The following ZNF469 variants were observed in gnomAD, a reference collection of about 807,000 sequenced individuals.
ZNF469 encodes zinc finger protein 469.
Under a neutral mutation model 1.0 loss-of-function variants are expected in ZNF469, and 1 was observed. The ratio of observed to expected loss-of-function variants is 1.00; its 90% confidence interval spans 0.35 to 4.73. The LOEUF is 4.73. Among genes scored for constraint, ZNF469 ranks in the 30% most tolerant of loss-of-function variants. The pLI is 0.16. For missense variants in ZNF469, 6,100 were observed against 5,356.3 expected, an observed-to-expected ratio of 1.14 and a Z score of -4.33; for synonymous variants, 2,703 against 2,363.4, an observed-to-expected ratio of 1.14 and a Z score of -4.17.
chr16:88,273,620 C>G, the ZNF469 span, among the ~76,000 whole-genome samples: 1 of 152,228 alleles, frequency 6.6e-6, no homozygotes, highest in Non-Finnish European at 1.5e-5. Flanking sequence ...AAAACTATAT[C>G]TGCTTTATGA....
In ZNF469 at chr16:88,435,826, G is replaced by A. The variant is rs1034749573; in HGVS notation, c.8356G>A (p.Glu2786Lys). 6.4e-6 allele frequency: 10 copies of A among 1,550,414 alleles called. No individual in the cohort carries two copies. The highest frequency in any genetic ancestry group is 1.4e-5 in the African/African-American group (1 of 73,060). Residue 2786 changes from glutamate to lysine, a missense_variant, in exon 3 of 3, where the codon GAG becomes AAG. Glu to Lys is a moderately conservative substitution (Grantham distance 56). Coordinates refer to ENST00000565624, the MANE Select transcript of ZNF469 (RefSeq NM_001367624.2). ...CAGCAGCAGGGCCCACAGCCGATCA[G>A]AGGAAGGTGTCTGGGAGGAGAACAC... The part of the protein sequence containing the change: ...EDSSRAHSRS[E>K]EGVWEENTPP...
At chr16:88,175,188 A>G in the ZNF469 span, among the ~76,000 whole-genome samples, 1 of 152,210 alleles carries the variant, frequency 6.6e-6, no homozygotes, top group Non-Finnish European at 1.5e-5. Flanking sequence ...CACCTGCAAA[A>G]TCCCCGCACA....
chr16:88,244,276 G>A, the ZNF469 span, among the ~76,000 whole-genome samples: 78 of 151,570 alleles, frequency 5.1e-4, no homozygotes, highest in Non-Finnish European at 8.0e-4. Context: ...TGGGTGAATG[G>A]ATGGATGGAT....
At chr16:88,335,899 C>G in the ZNF469 span, among the ~76,000 whole-genome samples, 9 of 151,866 alleles carry the variant, frequency 5.9e-5, no homozygotes, top group South Asian at 1.9e-3. Flanking sequence ...ACGTGAGGCA[C>G]TAACATGCCA....
chr16:88,402,420 A>C (rs74032823), intron 1 of ZNF469, among the ~76,000 whole-genome samples: 15,478 of 152,162 alleles, frequency 0.1, 1,207 homozygotes, highest in African/African-American at 0.22. Context: ...CCATGAAGTC[A>C]TGGGAGTGCA....
chr16:88,197,075 T>G, the ZNF469 span, among the ~76,000 whole-genome samples: 1 of 152,228 alleles, frequency 6.6e-6, no homozygotes, highest in African/African-American at 2.4e-5. Context: ...CAGGGATGCT[T>G]CTGGCTGGCG....
At chr16:88,158,377 AG>A in the ZNF469 span, among the ~76,000 whole-genome samples, 1 of 151,932 alleles carries the variant, frequency 6.6e-6, no homozygotes, top group Non-Finnish European at 1.5e-5. Context: ...TCTGGGTTGC[AG>A]CCCCACCCAC....
At chr16:88,167,829 C>T in the ZNF469 span, among the ~76,000 whole-genome samples, 1 of 152,246 alleles carries the variant, frequency 6.6e-6, no homozygotes. Flanking sequence ...TGCACCGCTC[C>T]CCAGGACGGA....
At chr16:88,319,173 A>T in the ZNF469 span, among the ~76,000 whole-genome samples, 1 of 152,028 alleles carries the variant, frequency 6.6e-6, no homozygotes, top group African/African-American at 2.4e-5. Flanking sequence ...CTCCTCACAG[A>T]CAGATGGAAG....
the ZNF469 span, among the ~76,000 whole-genome samples, chr16:88,175,694 G>A: frequency 2.6e-5 from 4 of 152,192 alleles, no homozygotes; most frequent in African/African-American, 7.2e-5. Context: ...AGTTAAAGCC[G>A]CACTTCAGAG....
the ZNF469 span, among the ~76,000 whole-genome samples, chr16:88,353,401 G>A: frequency 9.2e-5 from 14 of 152,242 alleles, no homozygotes; most frequent in Admixed American, 7.2e-4. Context: ...CCTGTGACCC[G>A]GCGCCCACCT....
the ZNF469 span, among the ~76,000 whole-genome samples, chr16:88,350,451 G>A: frequency 2.0e-5 from 3 of 152,232 alleles, no homozygotes; most frequent in Admixed American, 6.5e-5. Context: ...ACCAGCTCTC[G>A]CCTGGGCTGG....
the ZNF469 span, among the ~76,000 whole-genome samples, chr16:88,368,398 G>A: frequency 6.6e-6 from 1 of 152,206 alleles, no homozygotes; most frequent in Non-Finnish European, 1.5e-5. Flanking sequence ...GCTCTGCGAG[G>A]TGGGGGTTCT....
the ZNF469 span, among the ~76,000 whole-genome samples, chr16:88,143,151 C>T: frequency 4.0e-3 from 606 of 152,274 alleles, 7 homozygotes; most frequent in African/African-American, 0.014. Context: ...GGGGGCTCAG[C>T]GGCCCTGCCC....
the ZNF469 span, among the ~76,000 whole-genome samples, chr16:88,265,427 T>C: frequency 6.6e-6 from 1 of 152,122 alleles, no homozygotes; most frequent in Non-Finnish European, 1.5e-5. Context: ...GGCTTCCTTT[T>C]GGCCTCCCAG....
chr16:88,263,427 C>T, the ZNF469 span, among the ~76,000 whole-genome samples: 1 of 152,196 alleles, frequency 6.6e-6, no homozygotes, highest in African/African-American at 2.4e-5. Context: ...TGCACTTGTC[C>T]TGGGCCGCTC....
chr16:88,269,321 G>C, the ZNF469 span, among the ~76,000 whole-genome samples: 7 of 151,850 alleles, frequency 4.6e-5, no homozygotes, highest in Admixed American at 2.0e-4. Flanking sequence ...GCACCCAGGC[G>C]GCCGGGCCTA....
chr16:88,133,457 C>T, the ZNF469 span, among the ~76,000 whole-genome samples: 3 of 152,164 alleles, frequency 2.0e-5, no homozygotes, highest in African/African-American at 7.2e-5. Context: ...TGGCAGACGC[C>T]GCCTGGGGCT....
the ZNF469 span, among the ~76,000 whole-genome samples, chr16:88,187,441 C>A: frequency 4.6e-5 from 7 of 152,214 alleles, no homozygotes; most frequent in East Asian, 5.8e-4. Flanking sequence ...GGCTCCTAAA[C>A]GCAACATCTC....
Sources: allele counts gnomAD v4.1 joint callset (sites outside exome capture counted in the v4.1 genomes callset), GRCh38; gene constraint gnomAD v4.1.1; transcripts MANE v1.5; gene names NCBI Gene and HGNC (gene_info 2026-07-23, HGNC 2026-07-21).